TBCEL: variants seen among roughly 807,000 people sequenced by gnomAD.
The protein encoded by TBCEL is tubulin folding cofactor E like.
Under a neutral mutation model 44.2 loss-of-function variants are expected in TBCEL, and 15 were observed. That is an observed-to-expected ratio of 0.34 (90% CI 0.23 to 0.52). The LOEUF (loss-of-function observed/expected upper bound fraction) is 0.52. Among genes scored for constraint, TBCEL ranks in the 20% least tolerant of loss-of-function variants. The pLI is 0.95. For missense variants in TBCEL, 319 were observed against 506.3 expected (o/e 0.63, Z 3.55); for synonymous variants, 171 against 185.4 (o/e 0.92, Z 0.63).
At chr11:121,055,541 G>A (rs1012679144) in intron 6 of TBCEL, among the ~76,000 whole-genome samples, 1 of 151,750 alleles carries the variant, frequency 6.6e-6, no homozygotes, top group Non-Finnish European at 1.5e-5. Flanking sequence ...ATACATTAAA[G>A]GGGTCATGCT....
chr11:121,029,153 A>T (rs1477754247), intron 1 of TBCEL, among the ~76,000 whole-genome samples: 3 of 152,208 alleles, frequency 2.0e-5, no homozygotes, highest in Non-Finnish European at 2.9e-5. Context: ...TCAGTTTTAC[A>T]TGTGACTGAC....
chr11:121,075,427 C>T (rs1946015442), intron 8 of TBCEL, among the ~76,000 whole-genome samples: 3 of 151,970 alleles, frequency 2.0e-5, no homozygotes, highest in Admixed American at 6.6e-5. Flanking sequence ...AATGATTCCT[C>T]ACACTTTATT....
In TBCEL at chr11:121,038,117, A is replaced by G. The variant is rs184316637; in HGVS notation, c.-18+1505A>G. Among the ~76,000 whole-genome samples, 15 of 151,666 alleles carry G rather than the reference A, an allele frequency of 9.9e-5. No individual in the cohort carries two copies. The East Asian group carries it at 2.9e-3, about 29-fold the overall frequency. The stretch of plus-strand genomic sequence containing the variant: ...TGGGACTACAGGCACGTGCCACCAT[A>G]CCCGGCTAATTTTTGTAGTTTTAGT... On this transcript the variant is annotated intron_variant, in intron 2 of 8. Coordinates refer to ENST00000683345, the MANE Select transcript of TBCEL (RefSeq NM_001363644.2).
At chr11:121,027,207 AC>A (rs1945061639) in intron 1 of TBCEL, among the ~76,000 whole-genome samples, 1 of 152,178 alleles carries the variant, frequency 6.6e-6, no homozygotes, top group South Asian at 2.1e-4. Flanking sequence ...TGATAGTGAT[AC>A]AATTTGGGCT....
At position 121,045,699 on chromosome 11, in the gene TBCEL, A is replaced by G; in HGVS notation, c.9A>G (p.Gln3=). MD[Q]PSGRSFMQVL... ...CATTTTAAGAAAGAAAGATGGATCAACCTAGTGGAAGAAGTTTCATGCAAG... is the reference window on the plus strand; with the variant it reads ...CATTTTAAGAAAGAAAGATGGATCAGCCTAGTGGAAGAAGTTTCATGCAAG... Residue 3 remains glutamine (Q), a synonymous_variant, in exon 3 of 9, where the codon CAA becomes CAG. Transcript: ENST00000683345. 1.3e-6 allele frequency: 2 copies of G among 1,594,906 alleles called. No individual in the cohort carries two copies. The highest frequency in any genetic ancestry group is 8.5e-7 in the Non-Finnish European group (1 of 1,173,980).
At chr11:121,029,772 T>TTTTC (rs10693556) in intron 1 of TBCEL, among the ~76,000 whole-genome samples, 36,527 of 151,980 alleles carry the variant, frequency 0.24, 4,437 homozygotes, top group East Asian at 0.33. Context: ...TTTTCAAAAT[T>TTTTC]TTTCTTCTCA....
chr11:121,053,838 G>C, intron 5 of TBCEL, 106 bp downstream of exon 5: 1 of 1,270,256 alleles, frequency 7.9e-7, no homozygotes, highest in Non-Finnish European at 1.1e-6. Flanking sequence ...TGCAGATTGA[G>C]TGGAGAAAGA....
intron 5 of TBCEL, chr11:121,054,798 G>A: frequency 3.2e-6 from 1 of 308,424 alleles, no homozygotes; most frequent in Non-Finnish European, 5.9e-6. Flanking sequence ...GCTTAATTTA[G>A]TACTTAATTA....
intron 6 of TBCEL, among the ~76,000 whole-genome samples, chr11:121,055,758 T>A (rs11218128): frequency 0.21 from 31,122 of 151,692 alleles, 3,386 homozygotes; most frequent in East Asian, 0.33. Flanking sequence ...AGGAATGAAT[T>A]TATTTAGCTT....
rs1254675787 is a variant in TBCEL at position 121,090,424 on chromosome 11, A to G, written c.*3328A>G. On this transcript the variant is annotated 3_prime_UTR_variant, in exon 9 of 9. Transcript: ENST00000683345. Reference sequence around the variant, plus strand: ...ATACTAGATTGTTCTAAGTAATGTCATTTCGGTTTGTGAATTTGATTTTTC... The same window carrying G: ...ATACTAGATTGTTCTAAGTAATGTCGTTTCGGTTTGTGAATTTGATTTTTC... The G allele has an allele frequency of 6.6e-6, 1 of 152,128 alleles. No individual in the cohort carries two copies. Among genetic ancestry groups the G allele is most frequent in the African/African-American group, 2.4e-5 (1 of 41,438 alleles). The allele number at this position is 152,128 out of a possible 1,614,324, so 9.4% of individuals were successfully genotyped here. A position where few individuals can be genotyped will look rare whatever the true frequency, so the allele number is the denominator to read the frequency against.
chr11:121,084,232 A>G (rs898245718), intron 8 of TBCEL, among the ~76,000 whole-genome samples: 1 of 152,018 alleles, frequency 6.6e-6, no homozygotes, highest in Non-Finnish European at 1.5e-5. Flanking sequence ...AGGTATAATA[A>G]TTTTGGGCCA....
chr11:121,053,577 T>G lies in TBCEL; in HGVS notation c.300T>G (p.Pro100=), dbSNP rs1240360887. Residue 100 remains proline (P), a synonymous_variant, in exon 5 of 9, where the codon CCT becomes CCG. Transcript: ENST00000683345. ...TCAGTAAAATTGTGTCAAATGTTCC[T>G]CAGTTGGAGTTTCTAAACCTGAGTT... ...HEVSKIVSNV[P]QLEFLNLSSN... The G allele has an allele frequency of 1.9e-6, 3 of 1,612,100 alleles. No homozygotes were observed. Among genetic ancestry groups the G allele is most frequent in the Non-Finnish European group, 2.5e-6 (3 of 1,178,826 alleles).
At chr11:121,027,267 G>A (rs1019151392) in intron 1 of TBCEL, among the ~76,000 whole-genome samples, 11 of 152,152 alleles carry the variant, frequency 7.2e-5, no homozygotes, top group Non-Finnish European at 1.0e-4. Context: ...TCTCCTACAC[G>A]TGATTAGTTA....
chr11:121,087,076 G>A lies in TBCEL; in HGVS notation c.1255G>A (p.Val419Met). Reference sequence around the variant, plus strand: ...CATTAGGGATGGAGATAAAATTTACGTGGAATCCAAAACAAAATAACCTCT... The same window carrying A: ...CATTAGGGATGGAGATAAAATTTACATGGAATCCAAAACAAAATAACCTCT... ...FGIRDGDKIYVESKTK is the reference protein window; with the variant it reads ...FGIRDGDKIYMESKTK Residue 419 changes from valine (V) to methionine (M), a missense_variant, in exon 9 of 9, where the codon GTG becomes ATG. Val to Met is a conservative substitution (Grantham distance 21). Transcript: ENST00000683345. The A allele has an allele frequency of 2.5e-6, 4 of 1,613,304 alleles. No homozygotes were observed. The highest frequency in any genetic ancestry group is 2.5e-6 in the Non-Finnish European group (3 of 1,179,716).
intron 2 of TBCEL, among the ~76,000 whole-genome samples, chr11:121,041,883 A>G (rs186452865): frequency 3.3e-5 from 5 of 151,436 alleles, no homozygotes; most frequent in Non-Finnish European, 7.4e-5. Context: ...AAAATGACCA[A>G]TGAAGGTACT....
intron 6 of TBCEL, among the ~76,000 whole-genome samples, chr11:121,057,978 G>A (rs1945651857): frequency 6.6e-6 from 1 of 151,856 alleles, no homozygotes; most frequent in Non-Finnish European, 1.5e-5. Context: ...ATATTTGAGT[G>A]AAATGAGTTG....
chr11:121,066,429 G>C (rs2134979052), intron 8 of TBCEL, among the ~76,000 whole-genome samples: 1 of 152,292 alleles, frequency 6.6e-6, no homozygotes, highest in Admixed American at 6.5e-5. Context: ...AGTGGTTCCT[G>C]CATCTTACCT....
intron 8 of TBCEL, among the ~76,000 whole-genome samples, chr11:121,064,989 C>T (rs541331653): frequency 1.1e-3 from 163 of 152,066 alleles, no homozygotes; most frequent in African/African-American, 3.8e-3. Flanking sequence ...CCACGCCCAG[C>T]TAATTTTTTT....
At chr11:121,066,846 A>G (rs952388191) in intron 8 of TBCEL, among the ~76,000 whole-genome samples, 13 of 152,228 alleles carry the variant, frequency 8.5e-5, no homozygotes, top group African/African-American at 2.4e-5. Flanking sequence ...TTGACCCTCT[A>G]CATCATTCAG....
Sources: allele counts gnomAD v4.1 joint callset (sites outside exome capture counted in the v4.1 genomes callset), GRCh38; gene constraint gnomAD v4.1.1; transcripts MANE v1.5; gene names NCBI Gene and HGNC (gene_info 2026-07-23, HGNC 2026-07-21).